GPC5: variants seen among roughly 807,000 people sequenced by gnomAD.
The protein encoded by GPC5 is glypican 5, also known as glypican-5.
A neutral mutation model predicts 53.9 loss-of-function variants in GPC5; 47 were observed. That is an observed-to-expected ratio of 0.87 (90% CI 0.69 to 1.11). GPC5 has a LOEUF of 1.11. GPC5 is among the 50% of genes most tolerant of loss of function. The pLI, the probability that GPC5 is intolerant of heterozygous loss-of-function variation, is 0.00. For missense variants in GPC5, 748 were observed against 713.1 expected (o/e 1.05, Z -0.56); for synonymous variants, 286 against 263.3 (o/e 1.09, Z -0.84).
chr13:92,312,612 A>T (rs2043152483), intron 7 of GPC5, among the ~76,000 whole-genome samples: 1 of 152,192 alleles, frequency 6.6e-6, no homozygotes, highest in African/African-American at 2.4e-5. Context: ...AAATCCATCA[A>T]GTCTTCCTCT....
chr13:92,071,476 G>A (rs1220909544), intron 6 of GPC5, among the ~76,000 whole-genome samples: 1 of 151,908 alleles, frequency 6.6e-6, no homozygotes, highest in East Asian at 1.9e-4. Flanking sequence ...CATAAAATGG[G>A]AATCTAACTT....
intron 7 of GPC5, among the ~76,000 whole-genome samples, chr13:92,294,826 CTTTTTTTTTTTT>C (rs147963724): frequency 1.0e-5 from 1 of 99,000 alleles, no homozygotes; most frequent in African/African-American, 4.3e-5. Context: ...TTTTTTTTTT[CTTTTTTTTTTTT>C]TTTTTTCCGA....
chr13:92,804,134 A>G (rs1341181182), intron 7 of GPC5, among the ~76,000 whole-genome samples: 3 of 152,030 alleles, frequency 2.0e-5, no homozygotes, highest in Admixed American at 6.6e-5. Context: ...AGCATCCTAC[A>G]GAATATTTAT....
rs1393886868 is a variant in GPC5 at position 91,626,231 on chromosome 13, A to C, written c.326-66956A>C. Among the ~76,000 whole-genome samples the C allele has an allele frequency of 2.0e-5, 3 of 152,284 alleles. No homozygotes were observed. The East Asian group carries it at 5.8e-4, about 29-fold the overall frequency. On this transcript the variant is annotated intron_variant, in intron 2 of 7. Transcript: ENST00000377067. The stretch of plus-strand genomic sequence containing the variant: ...ACTAGCATGGAGAGACATTTGTTAC[A>C]CTGAACACAAATCAATATCATATAT...
At chr13:92,356,071 C>T (rs569303428) in intron 7 of GPC5, among the ~76,000 whole-genome samples, 1 of 152,234 alleles carries the variant, frequency 6.6e-6, no homozygotes, top group African/African-American at 2.4e-5. Context: ...TTTTCTTTCT[C>T]TCACAGGGGA....
Position 91,693,666 on chromosome 13 carries a change from C to A in GPC5, c.805C>A (p.Pro269Thr). 1 of 1,614,142 alleles carries A rather than the reference C, an allele frequency of 6.2e-7. No individual in the cohort carries two copies. The highest frequency in any genetic ancestry group is 8.5e-7 in the Non-Finnish European group (1 of 1,180,008). ...CTGCCAAGGCCTGGCGCTCACTAAG[C>A]CTTGTATGGGATACTGCCTCAATGT... ...PHCQGLALTK[P>T]CMGYCLNVMR... Residue 269 changes from proline (P) to threonine (T), a missense_variant, in exon 3 of 8, where the codon CCT becomes ACT. Physicochemically the swap from Pro to Thr is conservative, Grantham distance 38. Coordinates refer to ENST00000377067, the MANE Select transcript of GPC5 (RefSeq NM_004466.6).
chr13:91,626,701 G>A (rs1397768498), intron 2 of GPC5, among the ~76,000 whole-genome samples: 1 of 151,690 alleles, frequency 6.6e-6, no homozygotes, highest in African/African-American at 2.4e-5. Context: ...TTAAGTTCTA[G>A]GGTACATGTG....
chr13:92,362,316 A>T (rs950438646), intron 7 of GPC5, among the ~76,000 whole-genome samples: 1 of 151,736 alleles, frequency 6.6e-6, no homozygotes, highest in Admixed American at 6.5e-5. Flanking sequence ...GGGTATTGTT[A>T]TTATACTGAA....
chr13:92,281,161 G>A (rs1043311890), intron 7 of GPC5, among the ~76,000 whole-genome samples: 2 of 152,206 alleles, frequency 1.3e-5, no homozygotes, highest in South Asian at 2.1e-4. Context: ...TAGTAAGGCA[G>A]TCTGAGATGG....
chr13:92,574,018 G>A (rs2139044340), intron 7 of GPC5, among the ~76,000 whole-genome samples: 1 of 152,244 alleles, frequency 6.6e-6, no homozygotes, highest in African/African-American at 2.4e-5. Flanking sequence ...GAGCCCTGGG[G>A]AGGTATTCTT....
intron 7 of GPC5, among the ~76,000 whole-genome samples, chr13:92,707,268 A>C (rs921848004): frequency 6.6e-6 from 1 of 152,208 alleles, no homozygotes; most frequent in African/African-American, 2.4e-5. Flanking sequence ...ATATTTGTAC[A>C]TTCCATTGAC....
At chr13:92,655,138 C>T (rs1338769814) in intron 7 of GPC5, among the ~76,000 whole-genome samples, 1 of 152,074 alleles carries the variant, frequency 6.6e-6, no homozygotes, top group Admixed American at 6.5e-5. Flanking sequence ...GACTCCAGAA[C>T]ACAAGAGAAT....
chr13:92,203,664 AAATAAAT>A (rs1566483366), intron 7 of GPC5, among the ~76,000 whole-genome samples: 18 of 42,198 alleles, frequency 4.3e-4, no homozygotes, highest in South Asian at 1.7e-3. Flanking sequence ...ATAAAAAAAT[AAATAAAT>A]AAAACCAAAA....
chr13:92,368,475 C>G (rs55760303), intron 7 of GPC5, among the ~76,000 whole-genome samples: 1 of 150,878 alleles, frequency 6.6e-6, no homozygotes, highest in Non-Finnish European at 1.5e-5. Context: ...GAAACCCTGT[C>G]TCTACTAAAA....
intron 5 of GPC5, among the ~76,000 whole-genome samples, chr13:91,797,228 T>C (rs1402237968): frequency 2.0e-5 from 3 of 152,210 alleles, no homozygotes; most frequent in Non-Finnish European, 4.4e-5. Flanking sequence ...CCTTTCTGTG[T>C]ACTCTCATTT....
chr13:91,973,108 C>T (rs1232835559), intron 6 of GPC5, among the ~76,000 whole-genome samples: 14 of 152,324 alleles, frequency 9.2e-5, no homozygotes, highest in African/African-American at 3.4e-4. Context: ...GTACACCAAT[C>T]AGATGTAGAT....
intron 5 of GPC5, among the ~76,000 whole-genome samples, chr13:91,793,145 G>T (rs1021098124): frequency 6.6e-6 from 1 of 152,162 alleles, no homozygotes; most frequent in African/African-American, 2.4e-5. Flanking sequence ...TTAGAGCAGG[G>T]GAGGCCCAAG....
chr13:92,863,433 T>G (rs933188353), intron 7 of GPC5, among the ~76,000 whole-genome samples: 3 of 152,194 alleles, frequency 2.0e-5, no homozygotes, highest in Non-Finnish European at 4.4e-5. Context: ...CTGTAGATAT[T>G]ATCAAATAAA....
In GPC5 at chr13:91,741,686, A is replaced by G. The variant is rs530799387; in HGVS notation, c.1154+13021A>G. On this transcript the variant is annotated intron_variant, in intron 4 of 7. Transcript: ENST00000377067. ...ATCTTATCTAATACAACACTTTATT[A>G]ATGAATCCAAAGTTAAATTTAAAAA... Among the ~76,000 whole-genome samples the G allele has an allele frequency of 7.4e-4, 112 of 152,310 alleles. 1 individual carries two copies. Among genetic ancestry groups the G allele is most frequent in the Admixed American group, 7.2e-4 (11 of 15,296 alleles).
Sources: gnomAD v4.1 joint callset for allele counts (sites outside exome capture counted in the v4.1 genomes callset) on GRCh38, gnomAD v4.1.1 for gene constraint, MANE v1.5 for transcripts, NCBI Gene and HGNC (gene_info 2026-07-23, HGNC 2026-07-21) for gene names.